CCDC88C: variants seen among roughly 807,000 people sequenced by gnomAD.
CCDC88C encodes coiled-coil and HOOK domain protein 88C, also known as protein Daple.
Under a neutral mutation model 198.8 loss-of-function variants are expected in CCDC88C, and 131 were observed. The ratio of observed to expected loss-of-function variants is 0.66; its 90% CI spans 0.57 to 0.76. The LOEUF is 0.76. Ranked by LOEUF, CCDC88C falls within the 30% of genes least tolerant of loss-of-function variation. CCDC88C has a pLI of 0.00. For missense variants in CCDC88C, 2,553 were observed against 2,631.6 expected (o/e 0.97, Z 0.65); for synonymous variants, 1,166 against 1,114.7 (o/e 1.05, Z -0.92).
chr14:91,337,927 A>G, intron 10 of CCDC88C, 78 bp downstream of exon 10: 1 of 1,564,062 alleles, frequency 6.4e-7, no homozygotes. Flanking sequence ...CCAAGCCCCC[A>G]AGGACAGGTC....
chr14:91,411,763 G>C (rs1172388716), intron 2 of CCDC88C, among the ~76,000 whole-genome samples: 1 of 152,096 alleles, frequency 6.6e-6, no homozygotes, highest in African/African-American at 2.4e-5. Flanking sequence ...AGGAGTTCGA[G>C]ACCAGCCTGG....
Position 91,309,945 on chromosome 14 carries a change from A to G in CCDC88C, c.2778T>C (p.Ser926=), listed in dbSNP as rs752256797. The G allele has an allele frequency of 1.2e-6, 2 of 1,604,148 alleles. No individual in the cohort carries two copies. The highest frequency in any genetic ancestry group is 2.2e-5 in the South Asian group (2 of 89,414). Residue 926 remains serine, a synonymous_variant, in exon 16 of 30, where the codon AGT becomes AGC. Coordinates refer to ENST00000389857, the MANE Select transcript of CCDC88C (RefSeq NM_001080414.4). ...LEKLKSQQLS[S]ELDKLSQELE... is the part of the protein sequence containing the mutation. The stretch of plus-strand genomic sequence containing the variant: ...GTTCCTGGCTCAGCTTGTCCAGCTC[A>G]CTGCTGAGCTGCTGGCTCTTCAGCT...
At chr14:91,408,137 A>T (rs1886604267) in intron 3 of CCDC88C, 2 of 158,166 alleles carry the variant, frequency 1.3e-5, no homozygotes, top group Non-Finnish European at 2.8e-5. Flanking sequence ...GACCACACAG[A>T]TCAGATGCGG....
chr14:91,372,758 C>T (rs913711728), intron 3 of CCDC88C, among the ~76,000 whole-genome samples: 21 of 152,224 alleles, frequency 1.4e-4, no homozygotes, highest in African/African-American at 4.1e-4. Flanking sequence ...TCCCCTCTGC[C>T]GGCTCCACCA....
At chr14:91,329,452 C>G in intron 10 of CCDC88C, among the ~76,000 whole-genome samples, 1 of 152,184 alleles carries the variant, frequency 6.6e-6, no homozygotes, top group Non-Finnish European at 1.5e-5. Flanking sequence ...CCTCAGGCCT[C>G]CACGGCCTCT....
intron 4 of CCDC88C, among the ~76,000 whole-genome samples, chr14:91,356,928 T>C (rs769933000): frequency 6.6e-6 from 1 of 152,028 alleles, no homozygotes; most frequent in African/African-American, 2.4e-5. Context: ...GCAGGTAACA[T>C]TGGAGCTAAA....
At position 91,299,993 on chromosome 14, in the gene CCDC88C, T is replaced by A; in HGVS notation, c.3713A>T (p.Gln1238Leu). ...KVLTTEREALQQEQRTNALAM... is the reference protein window; with the variant it reads ...KVLTTEREALLQEQRTNALAM... ...GAGGGCGTTTGTCCTCTGCTCCTGC[T>A]GCAGCGCCTCTCGCTCAGTGGTCAA... The change falls in exon 21 of 30, where the codon CAG becomes CTG. Residue 1238 changes from glutamine (Q) to leucine (L), a missense_variant. By Grantham distance (113) the Gln-to-Leu change is moderately radical. Coordinates refer to ENST00000389857, the MANE Select transcript of CCDC88C (RefSeq NM_001080414.4). 6.3e-7 allele frequency: 1 copy of A among 1,598,136 alleles called. No individual in the cohort carries two copies. Among genetic ancestry groups the A allele is most frequent in the Non-Finnish European group, 8.5e-7 (1 of 1,172,902 alleles).
Position 91,308,590 on chromosome 14 carries a change from G to C in CCDC88C, c.2865-98C>G, listed in dbSNP as rs1891661339. On this transcript the variant is annotated intron_variant, in intron 16 of 29. Transcript: ENST00000389857. Reference sequence around the variant, plus strand: ...AACACATCACTCCTTCCATTAGGCTGGGTTACGGAGCTGCTGCAGCTTTTG... The same window carrying C: ...AACACATCACTCCTTCCATTAGGCTCGGTTACGGAGCTGCTGCAGCTTTTG... 7.9e-6 allele frequency: 10 copies of C among 1,259,270 alleles called. No homozygotes were observed. In the South Asian group the frequency reaches 1.3e-4, roughly 17 times the overall value. The allele number at this position is 1,259,270 out of a possible 1,614,324, so 78.0% of individuals were successfully genotyped here. A position where few individuals can be genotyped will look rare whatever the true frequency, so the allele number is the denominator to read the frequency against.
At chr14:91,310,505 T>G (rs1310230805) in intron 15 of CCDC88C, among the ~76,000 whole-genome samples, 1 of 152,144 alleles carries the variant, frequency 6.6e-6, no homozygotes, top group African/African-American at 2.4e-5. Context: ...CTTGAACTCC[T>G]GGCTCAGGTG....
chr14:91,295,623 C>G (rs913837210), intron 22 of CCDC88C, among the ~76,000 whole-genome samples: 1 of 152,216 alleles, frequency 6.6e-6, no homozygotes, highest in African/African-American at 2.4e-5. Flanking sequence ...TCATTAGATG[C>G]CGGGCAACAA....
intron 4 of CCDC88C, among the ~76,000 whole-genome samples, chr14:91,358,889 G>T (rs768057826): frequency 2.1e-4 from 32 of 152,162 alleles, no homozygotes; most frequent in Admixed American, 5.2e-4. Context: ...GTCCAACAGG[G>T]AGACATAAGA....
chr14:91,293,738 A>T (rs964380900), intron 23 of CCDC88C, among the ~76,000 whole-genome samples: 1 of 151,600 alleles, frequency 6.6e-6, no homozygotes, highest in Non-Finnish European at 1.5e-5. Flanking sequence ...ACCTCCCCCT[A>T]CTGGTTCCTG....
intron 26 of CCDC88C, among the ~76,000 whole-genome samples, chr14:91,282,847 A>AG (rs1227002433): frequency 2.6e-5 from 4 of 152,326 alleles, no homozygotes; most frequent in Non-Finnish European, 5.9e-5. Flanking sequence ...GCATTGCTTG[A>AG]GGCCAGGAGG....
chr14:91,404,067 C>G (rs1473340804), intron 3 of CCDC88C, among the ~76,000 whole-genome samples: 1 of 152,262 alleles, frequency 6.6e-6, no homozygotes, highest in African/African-American at 2.4e-5. Context: ...CCCAGCCTTG[C>G]CTGTCCTCCA....
chr14:91,313,666 C>T lies in CCDC88C; in HGVS notation c.2150G>A (p.Arg717His), dbSNP rs373146563. Residue 717 changes from arginine (R) to histidine (H), a missense_variant, in exon 15 of 30, where the codon CGC (arginine) becomes CAC (histidine). Transcript: ENST00000389857. This position sits in a 1 kb window ranked among gnomAD's most constrained non-coding sequence, Gnocchi z 5.2. ...CTGTGCCAGCTTGGTGCTGGTGAAG[C>T]GCATGGTCTCCACCAGCCTGCGCAG... ...LELRRLVETMRFTSTKLAQME... is the reference protein window; with the variant it reads ...LELRRLVETMHFTSTKLAQME... 141 of 1,612,114 alleles carry T rather than the reference C, an allele frequency of 8.7e-5. No homozygotes were observed. Among genetic ancestry groups the T allele is most frequent in the Middle Eastern group, 1.6e-4 (1 of 6,084 alleles).
intron 22 of CCDC88C, among the ~76,000 whole-genome samples, chr14:91,294,567 GA>G (rs1890915164): frequency 6.6e-6 from 1 of 152,230 alleles, no homozygotes; most frequent in Non-Finnish European, 1.5e-5. Flanking sequence ...CAGCTAGTCT[GA>G]ATCATGATGC....
At chr14:91,378,269 G>A (rs796969245) in intron 3 of CCDC88C, among the ~76,000 whole-genome samples, 2 of 152,152 alleles carry the variant, frequency 1.3e-5, no homozygotes, top group African/African-American at 4.8e-5. Flanking sequence ...GGAGGGACAG[G>A]GGGTGACAAG....
intron 3 of CCDC88C, among the ~76,000 whole-genome samples, chr14:91,361,439 T>C (rs1744507747): frequency 6.6e-6 from 1 of 152,208 alleles, no homozygotes; most frequent in Admixed American, 6.5e-5. Context: ...CGAGGCCGCA[T>C]GCCAGGAGAG....
intron 10 of CCDC88C, among the ~76,000 whole-genome samples, chr14:91,337,483 G>A (rs1447520341): frequency 6.6e-6 from 1 of 152,238 alleles, no homozygotes; most frequent in Non-Finnish European, 1.5e-5. Flanking sequence ...GGGACTGCAG[G>A]CACGTGGCAC....
Sources: allele counts gnomAD v4.1 joint callset (sites outside exome capture counted in the v4.1 genomes callset), GRCh38; gene constraint gnomAD v4.1.1; non-coding constraint Gnocchi (gnomAD v3.1); transcripts MANE v1.5; gene names NCBI Gene and HGNC (gene_info 2026-07-23, HGNC 2026-07-21).